ARHGAP12: variants seen among roughly 807,000 people sequenced by gnomAD.
ARHGAP12 encodes rho GTPase-activating protein 12.
A neutral mutation model predicts 108.6 loss-of-function variants in ARHGAP12; 64 were observed. The observed-to-expected ratio is 0.59, with a 90% CI of 0.48 to 0.73. The LOEUF is 0.73. ARHGAP12 is among the 30% of genes least tolerant of loss of function. The pLI, the probability that ARHGAP12 is intolerant of heterozygous loss-of-function variation, is 0.00. For synonymous variants in ARHGAP12, 312 were observed against 337.2 expected, an observed-to-expected ratio of 0.93 and a Z score of 0.82; for missense variants, 940 against 1,005.9, an observed-to-expected ratio of 0.93 and a Z score of 0.89.
intron 3 of ARHGAP12, among the ~76,000 whole-genome samples, chr10:31,905,644 G>A (rs773692361): frequency 6.6e-6 from 1 of 152,174 alleles, no homozygotes; most frequent in African/African-American, 2.4e-5. Flanking sequence ...ATGAGCAAAT[G>A]TAAATGCTGA....
intron 3 of ARHGAP12, among the ~76,000 whole-genome samples, chr10:31,900,363 G>A (rs1447419281): frequency 6.6e-6 from 1 of 152,112 alleles, no homozygotes; most frequent in South Asian, 2.1e-4. Context: ...CATACATCAT[G>A]TTCTTAAGGA....
Position 31,806,334 on chromosome 10 carries a change from C to G in ARHGAP12, c.*1324G>C, listed in dbSNP as rs769254887. Reference sequence around the variant, plus strand: ...CTAAACCTCTTATAGTTTTATTAGACATTTCATGTACAGAAGTTAATCTAG... The same window carrying G: ...CTAAACCTCTTATAGTTTTATTAGAGATTTCATGTACAGAAGTTAATCTAG... On this transcript the variant is annotated 3_prime_UTR_variant, in exon 20 of 20. Transcript: ENST00000344936. 10 of 152,588 alleles carry G rather than the reference C, an allele frequency of 6.6e-5. No individual in the cohort carries two copies. Among genetic ancestry groups the G allele is most frequent in the African/African-American group, 2.4e-4 (10 of 41,446 alleles). 9.5% of individuals were successfully genotyped at this position (152,588 alleles called of 1,614,324 possible).
At chr10:31,827,251 T>C (rs1835650190) in intron 10 of ARHGAP12, among the ~76,000 whole-genome samples, 2 of 152,212 alleles carry the variant, frequency 1.3e-5, no homozygotes, top group Admixed American at 6.5e-5. Flanking sequence ...TGTAAATGTT[T>C]CTCTCTCATA....
chr10:31,927,315 G>C (rs1476949470), intron 1 of ARHGAP12, among the ~76,000 whole-genome samples: 2 of 152,062 alleles, frequency 1.3e-5, no homozygotes, highest in African/African-American at 4.8e-5. Flanking sequence ...TACAGATAAA[G>C]AAAAGGCGAT....
intron 1 of ARHGAP12, among the ~76,000 whole-genome samples, chr10:31,914,691 T>C (rs1839484198): frequency 6.6e-6 from 1 of 152,170 alleles, no homozygotes; most frequent in African/African-American, 2.4e-5. Flanking sequence ...ACTGTTGGTG[T>C]TAATGAAAAT....
At chr10:31,875,139 A>G (rs1837683193) in intron 3 of ARHGAP12, among the ~76,000 whole-genome samples, 2 of 152,058 alleles carry the variant, frequency 1.3e-5, no homozygotes, top group Admixed American at 1.3e-4. Context: ...TTTATTCTAG[A>G]AGGAGTTCAT....
intron 8 of ARHGAP12, 82 bp from the exon 9 acceptor site, chr10:31,839,401 A>T: frequency 7.1e-7 from 1 of 1,403,928 alleles, no homozygotes; most frequent in South Asian, 1.3e-5. Context: ...ATATAAGTTC[A>T]TCACTTAAAA....
chr10:31,838,191 T>G (rs1191554385), intron 9 of ARHGAP12, among the ~76,000 whole-genome samples: 1 of 152,118 alleles, frequency 6.6e-6, no homozygotes, highest in Non-Finnish European at 1.5e-5. Flanking sequence ...GGAGAATGTT[T>G]CAGCATGCAG....
chr10:31,815,249 A>T (rs1835163470), intron 13 of ARHGAP12, among the ~76,000 whole-genome samples: 1 of 152,184 alleles, frequency 6.6e-6, no homozygotes, highest in Admixed American at 6.5e-5. Flanking sequence ...CTCTGCCTTC[A>T]CATGGAGATC....
chr10:31,881,573 G>C (rs912344321), intron 3 of ARHGAP12, among the ~76,000 whole-genome samples: 13 of 152,264 alleles, frequency 8.5e-5, no homozygotes, highest in Middle Eastern at 3.4e-3. Context: ...GATTTATTAA[G>C]CATTTACTCT....
intron 3 of ARHGAP12, among the ~76,000 whole-genome samples, chr10:31,882,006 C>G (rs1433274742): frequency 1.3e-5 from 2 of 151,034 alleles, no homozygotes; most frequent in Non-Finnish European, 3.0e-5. Flanking sequence ...GCTCCGCCTC[C>G]CGGGTTCACG....
chr10:31,814,458 CCAAA>C, intron 13 of ARHGAP12, 97 bp from the exon 14 acceptor site: 1 of 1,008,398 alleles, frequency 9.9e-7, no homozygotes, highest in Non-Finnish European at 1.5e-6. Context: ...AATGACTCTT[CCAAA>C]CAATTTTAGG....
At chr10:31,816,985 T>C (rs1446331561) in intron 13 of ARHGAP12, among the ~76,000 whole-genome samples, 1 of 151,870 alleles carries the variant, frequency 6.6e-6, no homozygotes, top group African/African-American at 2.4e-5. Flanking sequence ...CTGTCATTAA[T>C]ATAATATGAT....
chr10:31,880,373 C>G (rs1451605053), intron 3 of ARHGAP12, among the ~76,000 whole-genome samples: 2 of 152,020 alleles, frequency 1.3e-5, no homozygotes, highest in Non-Finnish European at 2.9e-5. Flanking sequence ...CTTTCGGAGG[C>G]CAGGACAGGA....
intron 1 of ARHGAP12, among the ~76,000 whole-genome samples, chr10:31,927,337 C>T (rs1339785102): frequency 6.6e-6 from 1 of 152,048 alleles, no homozygotes; most frequent in Non-Finnish European, 1.5e-5. Context: ...TGGGCAAGTA[C>T]ACACACATCT....
At chr10:31,926,728 G>C (rs11595440) in intron 1 of ARHGAP12, among the ~76,000 whole-genome samples, 28,991 of 152,028 alleles carry the variant, frequency 0.19, 3,237 homozygotes, top group East Asian at 0.39. Context: ...CTTTCTATCA[G>C]CCTACTAAAA....
intron 9 of ARHGAP12, among the ~76,000 whole-genome samples, chr10:31,835,447 G>A (rs1224114120): frequency 2.6e-5 from 4 of 152,034 alleles, no homozygotes; most frequent in African/African-American, 7.2e-5. Flanking sequence ...CTTTAATAAG[G>A]ACTAGCAAAT....
chr10:31,816,970 C>T (rs1233452980), intron 13 of ARHGAP12, among the ~76,000 whole-genome samples: 1 of 152,106 alleles, frequency 6.6e-6, no homozygotes, highest in Non-Finnish European at 1.5e-5. Context: ...TAGTATCTTT[C>T]ATTTCTGTCA....
intron 11 of ARHGAP12, among the ~76,000 whole-genome samples, chr10:31,823,695 T>TTAA (rs1315313539): frequency 6.6e-6 from 1 of 152,120 alleles, no homozygotes; most frequent in Non-Finnish European, 1.5e-5. Context: ...ATGTGGCCCC[T>TTAA]TAACATAAGC....
Sources: allele counts gnomAD v4.1 joint callset (sites outside exome capture counted in the v4.1 genomes callset), GRCh38; gene constraint gnomAD v4.1.1; transcripts MANE v1.5; gene names NCBI Gene and HGNC (gene_info 2026-07-23, HGNC 2026-07-21).